The following TTYH2 variants were observed in gnomAD, a reference collection of about 807,000 sequenced individuals.
TTYH2 encodes the protein protein tweety homolog 2.
A neutral mutation model predicts 68.3 loss-of-function variants in TTYH2; 49 were observed. The ratio of observed to expected loss-of-function variants is 0.72; its 90% CI spans 0.57 to 0.91. The LOEUF (loss-of-function observed/expected upper bound fraction) is 0.91. TTYH2 is among the 40% of genes least tolerant of loss of function. The pLI, the probability that TTYH2 is intolerant of heterozygous loss-of-function variation, is 0.00. For synonymous variants in TTYH2, 272 were observed against 300.8 expected (o/e 0.90, Z 0.99); for missense variants, 631 against 700.4 (o/e 0.90, Z 1.12).
Position 74,252,301 on chromosome 17 carries a change from TCTC to T in TTYH2, c.1187_1189del (p.Ser396del), listed in dbSNP as rs762059188. Reference sequence around the variant, plus strand: ...CAGGGCTTGCTGTACCTTGGCCTCTTCTCCTTCCTGGCCGCCCTCGCCTTCTCC... The same window carrying T: ...CAGGGCTTGCTGTACCTTGGCCTCTTCTTCCTGGCCGCCCTCGCCTTCTCC... On this transcript the variant is annotated inframe_deletion, in exon 11 of 14. Transcript: ENST00000269346. The T allele has an allele frequency of 1.9e-5, 30 of 1,613,840 alleles. No individual in the cohort carries two copies. The highest frequency in any genetic ancestry group is 1.5e-4 in the African/African-American group (11 of 74,942).
chr17:74,244,004 G>A lies in TTYH2; in HGVS notation c.759G>A (p.Leu253=). 6 of 1,612,286 alleles carry A rather than the reference G, an allele frequency of 3.7e-6. No homozygotes were observed. Among genetic ancestry groups the A allele is most frequent in the East Asian group, 4.5e-5 (2 of 44,868 alleles). The change falls in exon 6 of 14, where the codon CTG becomes CTA. Residue 253 remains leucine (L), a synonymous_variant. Transcript: ENST00000269346. ...ASMLCCGALS[L]LLSWASLAAD... ...TGCTGTGCTGTGGGGCACTGAGCCT[G>A]CTCCTCAGTTGGGCATCCCTGGCCG...
At chr17:74,228,783 T>C (rs377595438) in intron 2 of TTYH2, among the ~76,000 whole-genome samples, 2 of 152,258 alleles carry the variant, frequency 1.3e-5, no homozygotes, top group African/African-American at 4.8e-5. Context: ...CCTGCTGCGC[T>C]CAGAGCTGAT....
At position 74,213,803 on chromosome 17, in the gene TTYH2, A is replaced by C; in HGVS notation, c.129+87A>C. On this transcript the variant is annotated intron_variant, in intron 1 of 13. Coordinates refer to ENST00000269346, the MANE Select transcript of TTYH2 (RefSeq NM_032646.6). This position sits in a 1 kb window ranked among gnomAD's most constrained non-coding sequence, Gnocchi z 6.1. The stretch of plus-strand genomic sequence containing the variant: ...TCCCCTCGAGAGCCTGCACTTTCCC[A>C]CGTGCCTCTCAGACCCCTTCTCTCC... 1 of 1,499,262 alleles carries C rather than the reference A, an allele frequency of 6.7e-7. No homozygotes were observed. Among genetic ancestry groups the C allele is most frequent in the Non-Finnish European group, 9.0e-7 (1 of 1,105,624 alleles). The allele number at this position is 1,499,262 out of a possible 1,614,324, so 92.9% of individuals were successfully genotyped here.
At position 74,252,374 on chromosome 17, in the gene TTYH2, C is replaced by G. The variant is rs771446811; in HGVS notation, c.1257C>G (p.Thr419=). Residue 419 remains threonine, a splice_region_variant and synonymous_variant, in exon 11 of 14, where the codon ACC becomes ACG. Coordinates refer to ENST00000269346, the MANE Select transcript of TTYH2 (RefSeq NM_032646.6). ...AGPRAWKHFT[T]RNRDYDDIDD... ...CAAGGGCCTGGAAGCACTTCACCAC[C>G]AGGTGGGCTGCCTAGTAAGGAGGGG... is the stretch of plus-strand genomic sequence containing the variant. 8.1e-6 allele frequency: 13 copies of G among 1,613,154 alleles called. No individual in the cohort carries two copies. The Admixed American group carries it at 1.8e-4, about 23-fold the overall frequency.
chr17:74,260,226 C>A lies in TTYH2; in HGVS notation c.*17C>A. The A allele has an allele frequency of 6.2e-7, 1 of 1,612,718 alleles. No individual in the cohort carries two copies. Among genetic ancestry groups the A allele is most frequent in the Non-Finnish European group, 8.5e-7 (1 of 1,178,946 alleles). Reference sequence around the variant, plus strand: ...CCAGCCTAACAGACTTTCGGGGGTTCCTGCCTCCTTTTTCCGTTCTGGTTT... The same window carrying A: ...CCAGCCTAACAGACTTTCGGGGGTTACTGCCTCCTTTTTCCGTTCTGGTTT... On this transcript the variant is annotated 3_prime_UTR_variant, in exon 14 of 14. Transcript: ENST00000269346.
At position 74,245,681 on chromosome 17, in the gene TTYH2, G is replaced by A. The variant is rs550624475; in HGVS notation, c.804+1632G>A. ...CTGAGTGCGAGATGGGGAGCAGGCG[G>A]TGGAGCTGAATGGGCTTTTGACGGG... On this transcript the variant is annotated intron_variant, in intron 6 of 13. Transcript: ENST00000269346. Among the ~76,000 whole-genome samples, 48 of 152,388 alleles carry A rather than the reference G, an allele frequency of 3.1e-4. No individual in the cohort carries two copies. The South Asian group carries it at 7.7e-3, about 24-fold the overall frequency.
At chr17:74,223,600 C>T (rs993678469) in intron 2 of TTYH2, among the ~76,000 whole-genome samples, 3 of 152,226 alleles carry the variant, frequency 2.0e-5, no homozygotes, top group Non-Finnish European at 2.9e-5. Flanking sequence ...CTGGCCACTC[C>T]ACCCCAGCTG....
rs2050600375 is a variant in TTYH2, at chr17:74,249,832, G to T, written c.931-104G>T. On this transcript the variant is annotated intron_variant, in intron 8 of 13. Transcript: ENST00000269346. ...AGGTGGGGGGGTGGGAGGGGCAGGA[G>T]CATAGGCCCCTCAGCCACTGTGGGG... The T allele has an allele frequency of 2.3e-6, 3 of 1,331,144 alleles. No homozygotes were observed. The South Asian group carries it at 3.6e-5, about 16-fold the overall frequency. 82.5% of individuals were successfully genotyped at this position (1,331,144 alleles called of 1,614,324 possible).
intron 1 of TTYH2, among the ~76,000 whole-genome samples, chr17:74,218,725 G>A (rs2050245683): frequency 6.6e-6 from 1 of 152,152 alleles, no homozygotes; most frequent in African/African-American, 2.4e-5. Flanking sequence ...CGGGGGAGCA[G>A]GCTACATCAC....
intron 4 of TTYH2, among the ~76,000 whole-genome samples, chr17:74,240,438 C>T (rs866860005): frequency 1.6e-4 from 19 of 117,898 alleles, no homozygotes; most frequent in Middle Eastern, 4.5e-3. Flanking sequence ...GACTCTGTCT[C>T]AAAAAAAAAA....
chr17:74,227,757 T>G (rs966938723), intron 2 of TTYH2, among the ~76,000 whole-genome samples: 11 of 143,502 alleles, frequency 7.7e-5, no homozygotes, highest in African/African-American at 1.5e-4. Flanking sequence ...TTGTTTTTTT[T>G]TTTGTTTTTT....
intron 3 of TTYH2, among the ~76,000 whole-genome samples, chr17:74,234,207 C>CA (rs1387235860): frequency 2.0e-5 from 3 of 152,212 alleles, no homozygotes; most frequent in African/African-American, 7.2e-5. Flanking sequence ...TGAGTGAGTT[C>CA]CCAGGGGGTG....
rs746998838 is a variant in TTYH2, at chr17:74,250,310, A to G, written c.1069A>G (p.Ser357Gly). Residue 357 changes from serine to glycine, a missense_variant, in exon 10 of 14, where the codon AGC becomes GGC. Physicochemically the swap from Ser to Gly is moderately conservative, Grantham distance 56 (BLOSUM62 0). Transcript: ENST00000269346. ...IQLLLNSSES[S>G]LHQLTAMVDC... The stretch of plus-strand genomic sequence containing the variant: ...GCTCCTGCTGAACTCCTCAGAGTCC[A>G]GCCTTCACCAGCTGACCGCCATGGT... 5.0e-6 allele frequency: 8 copies of G among 1,613,658 alleles called. No homozygotes were observed. The highest frequency in any genetic ancestry group is 6.8e-6 in the Non-Finnish European group (8 of 1,179,892).
At chr17:74,248,318 T>G in intron 6 of TTYH2, 1 of 986,040 alleles carries the variant, frequency 1.0e-6, no homozygotes. Context: ...CTGCCGCCTC[T>G]CCTGGGGCCT....
At position 74,214,075 on chromosome 17, in the gene TTYH2, G is replaced by T. The variant is rs1006386964; in HGVS notation, c.129+359G>T. On this transcript the variant is annotated intron_variant, in intron 1 of 13. Transcript: ENST00000269346. This position sits in a 1 kb window ranked among gnomAD's most constrained non-coding sequence, Gnocchi z 4.6. ...ATTCGTCTCGGGGTAATCCTGGCGC[G>T]CGAGGTGCGGGGATGCTGAGGGGTG... 2.7e-4 allele frequency among the ~76,000 whole-genome samples: 41 copies of T among 152,202 alleles called. No homozygotes were observed. Among genetic ancestry groups the T allele is most frequent in the Non-Finnish European group, 5.3e-4 (36 of 68,036 alleles).
intron 1 of TTYH2, among the ~76,000 whole-genome samples, chr17:74,219,821 C>T (rs1390673925): frequency 6.6e-6 from 1 of 151,976 alleles, no homozygotes; most frequent in Non-Finnish European, 1.5e-5. Flanking sequence ...TGTTGGTGGA[C>T]GTTTGTGTCT....
chr17:74,223,597 C>G (rs1231640163), intron 2 of TTYH2, among the ~76,000 whole-genome samples: 3 of 152,232 alleles, frequency 2.0e-5, no homozygotes, highest in Admixed American at 6.5e-5. Flanking sequence ...TGCCTGGCCA[C>G]TCCACCCCAG....
Position 74,243,965 on chromosome 17 carries a change from CCT to C in TTYH2, c.732-6_732-5del, listed in dbSNP as rs760973224. On this transcript the variant is annotated splice_polypyrimidine_tract_variant and intron_variant, in intron 5 of 13. Coordinates refer to ENST00000269346, the MANE Select transcript of TTYH2 (RefSeq NM_032646.6). ...CCCCGCCTGCCAACGTTGTCGCCTG[CCT>C]CTCTCCTAGGATGCTGTGCTGTGGG... The C allele has an allele frequency of 6.2e-7, 1 of 1,610,386 alleles. No individual in the cohort carries two copies. Among genetic ancestry groups the C allele is most frequent in the Non-Finnish European group, 8.5e-7 (1 of 1,179,430 alleles).
intron 3 of TTYH2, among the ~76,000 whole-genome samples, chr17:74,231,217 G>A (rs139738493): frequency 1.0e-3 from 156 of 152,302 alleles, no homozygotes; most frequent in Middle Eastern, 3.4e-3. Context: ...ATGGGGGTGA[G>A]GACTAAAGGA....
Sources: allele counts gnomAD v4.1 joint callset (sites outside exome capture counted in the v4.1 genomes callset), GRCh38; gene constraint gnomAD v4.1.1; non-coding constraint Gnocchi (gnomAD v3.1); transcripts MANE v1.5; gene names NCBI Gene and HGNC (gene_info 2026-07-23, HGNC 2026-07-21).